Variants in RABGGTA observed in about 807,000 individuals in gnomAD.
RABGGTA encodes geranylgeranyl transferase type-2 subunit alpha.
A neutral mutation model predicts 83.3 loss-of-function variants in RABGGTA; 69 were observed. The ratio of observed to expected loss-of-function variants is 0.83; its 90% CI spans 0.68 to 1.01. RABGGTA has a LOEUF of 1.01. Ranked by LOEUF, RABGGTA falls within the 50% of genes least tolerant of loss-of-function variation. The probability of loss-of-function intolerance (pLI) is 0.00; values close to 1 mark genes in which losing one functional copy is unlikely to be tolerated. For synonymous variants in RABGGTA, 310 were observed against 299.8 expected (o/e 1.03, Z -0.35); for missense variants, 681 against 712.7 (o/e 0.96, Z 0.51).
chr14:24,268,359 C>T lies in RABGGTA; in HGVS notation c.1058+10G>A. On this transcript the variant is annotated intron_variant, in intron 11 of 16. Transcript: ENST00000216840. The stretch of plus-strand genomic sequence containing the variant: ...GCCCCTCTCCTTGTTTTGTGCTTCC[C>T]TATCACCACCTGAATAGCTGCTCGT... 1 of 1,613,022 alleles carries T rather than the reference C, an allele frequency of 6.2e-7. No individual in the cohort carries two copies.
rs1483640562 is a variant in RABGGTA at position 24,270,057 on chromosome 14, C to T, written c.323G>A (p.Gly108Asp). The T allele has an allele frequency of 6.2e-7, 1 of 1,612,618 alleles. No individual in the cohort carries two copies. The highest frequency in any genetic ancestry group is 8.5e-7 in the Non-Finnish European group (1 of 1,179,374). The change falls in exon 5 of 17, where the codon GGT becomes GAT. Residue 108 changes from glycine to aspartate, a missense_variant. This residue lies in a region of RABGGTA where 12 missense variants were observed against 32.0 expected (regional missense o/e 0.37). Transcript: ENST00000216840. ...CAGCCAGCATCGGTGGTGCCAGGTA[C>T]CATAAGACTTGGGGTTCACCCGCAG... ...SCLRVNPKSY[G>D]TWHHRCWLLG...
In RABGGTA at chr14:24,271,128, G is replaced by C. The variant is rs756343067; in HGVS notation, c.-13C>G. ...GGGTTCTCACCATGGTGCCGGCTCA[G>C]GGTTCAAGACAGGGGAAGGGTCCAG... On this transcript the variant is annotated 5_prime_UTR_variant, in exon 2 of 17. Coordinates refer to ENST00000216840, the MANE Select transcript of RABGGTA (RefSeq NM_182836.3). The C allele has an allele frequency of 1.9e-5, 30 of 1,543,742 alleles. No homozygotes were observed. The highest frequency in any genetic ancestry group is 1.8e-4 in the Middle Eastern group (1 of 5,704).
Position 24,265,701 on chromosome 14 carries a change from G to A in RABGGTA, c.1618C>T (p.Leu540=). 2 of 1,613,086 alleles carry A rather than the reference G, an allele frequency of 1.2e-6. No individual in the cohort carries two copies. Among genetic ancestry groups the A allele is most frequent in the Non-Finnish European group, 1.7e-6 (2 of 1,179,570 alleles). Reference sequence around the variant, plus strand: ...GCTTGGCACAGCGGGTTACCCTGCAGGTTGAGGAGGACCAGCCTGGGGCAG... The same window carrying A: ...GCTTGGCACAGCGGGTTACCCTGCAAGTTGAGGAGGACCAGCCTGGGGCAG... ...ASCPRLVLLN[L]QGNPLCQAVG... The change falls in exon 17 of 17, where the codon CTG becomes TTG. Residue 540 remains leucine, a synonymous_variant. Coordinates refer to ENST00000216840, the MANE Select transcript of RABGGTA (RefSeq NM_182836.3).
Position 24,267,890 on chromosome 14 carries a change from G to A in RABGGTA, c.1216C>T (p.Gln406Ter). 6.2e-7 allele frequency: 1 copy of A among 1,613,782 alleles called. No homozygotes were observed. The highest frequency in any genetic ancestry group is 8.5e-7 in the Non-Finnish European group (1 of 1,179,820). Residue 406 changes from glutamine to a stop codon, truncating the protein, a stop_gained, in exon 13 of 17, where the codon CAG (glutamine) becomes TAG (stop). Coordinates refer to ENST00000216840, the MANE Select transcript of RABGGTA (RefSeq NM_182836.3). LOFTEE classifies it high-confidence loss of function. ...DPLLYEKETL[Q>*]YFQTLKAVDP... The stretch of plus-strand genomic sequence containing the variant: ...CTTGCCTTGAGGGTCTGGAAGTACT[G>A]CAGGGTCTCCTTCTCATACAGCAGG...
chr14:24,268,486 A>AAGGGGTG (rs2139039530), intron 10 of RABGGTA, 28 bp downstream of exon 10: 3 of 1,613,434 alleles, frequency 1.9e-6, no homozygotes, highest in Non-Finnish European at 2.5e-6. Flanking sequence ...GGGCTGCTGC[A>AAGGGGTG]AGGGGTGGAG....
intron 15 of RABGGTA, 108 bp from the exon 16 acceptor site, chr14:24,266,625 G>A: frequency 7.9e-7 from 1 of 1,269,144 alleles, no homozygotes; most frequent in Non-Finnish European, 1.1e-6. Flanking sequence ...GGGGCTCACA[G>A]GGTCAGGCTG....
intron 16 of RABGGTA, among the ~76,000 whole-genome samples, 152 bp from the exon 17 acceptor site, chr14:24,265,915 C>T (rs2040867737): frequency 6.6e-6 from 1 of 152,168 alleles, no homozygotes. Flanking sequence ...GCAGGGACTG[C>T]AAATGCCTAC....
chr14:24,270,956 A>T lies in RABGGTA; in HGVS notation c.4-9T>A. ...ACCTTCAGGCGTCCGTGCTACAAGGATGAACGGGTTGGAAGAGTGCAGGTT... is the reference window on the plus strand; with the variant it reads ...ACCTTCAGGCGTCCGTGCTACAAGGTTGAACGGGTTGGAAGAGTGCAGGTT... On this transcript the variant is annotated splice_polypyrimidine_tract_variant and intron_variant, in intron 2 of 16. Transcript: ENST00000216840. 6.2e-7 allele frequency: 1 copy of T among 1,613,378 alleles called. No homozygotes were observed. Among genetic ancestry groups the T allele is most frequent in the South Asian group, 1.1e-5 (1 of 90,904 alleles).
In RABGGTA at chr14:24,266,414, C is replaced by G. The variant is rs746518171; in HGVS notation, c.1555+16G>C. The G allele has an allele frequency of 4.3e-6, 7 of 1,613,438 alleles. No individual in the cohort carries two copies. The East Asian group carries it at 1.6e-4, about 36-fold the overall frequency. On this transcript the variant is annotated intron_variant, in intron 16 of 16. Transcript: ENST00000216840. The stretch of plus-strand genomic sequence containing the variant: ...ACTTTACCCACTGTCTGAAAGGCAC[C>G]CAGAAGGAAGGATACGGTTGTTGCA...
intron 16 of RABGGTA, 92 bp downstream of exon 16, chr14:24,266,338 A>G: frequency 8.5e-7 from 1 of 1,176,920 alleles, no homozygotes. Flanking sequence ...GCCCTGCAAG[A>G]GGGTGGCACA....
In RABGGTA at chr14:24,265,628, C is replaced by T. The variant is rs745354385; in HGVS notation, c.1691G>A (p.Ser564Asn). Residue 564 changes from serine to asparagine, a missense_variant, in exon 17 of 17, where the codon AGC becomes AAC. By Grantham distance (46) the Ser-to-Asn change is conservative. Coordinates refer to ENST00000216840, the MANE Select transcript of RABGGTA (RefSeq NM_182836.3). Reference sequence around the variant, plus strand: ...GGGCAGGGCCTCTTAGGTGAGGACGCTGCTAACTGAAGGCAGCAGTTCAGC... The same window carrying T: ...GGGCAGGGCCTCTTAGGTGAGGACGTTGCTAACTGAAGGCAGCAGTTCAGC... ...QLAELLPSVS[S>N]VLT The T allele has an allele frequency of 1.2e-6, 2 of 1,613,708 alleles. No homozygotes were observed. The highest frequency in any genetic ancestry group is 1.7e-6 in the Non-Finnish European group (2 of 1,179,822).
Position 24,268,832 on chromosome 14 carries a change from A to T in RABGGTA, c.799-6T>A. On this transcript the variant is annotated splice_region_variant and splice_polypyrimidine_tract_variant and intron_variant, in intron 8 of 16. Coordinates refer to ENST00000216840, the MANE Select transcript of RABGGTA (RefSeq NM_182836.3). The stretch of plus-strand genomic sequence containing the variant: ...ATCTCCATCCTGGAGCCCACCTGGC[A>T]CAAAGGACAAAGACTTCAGCCCCAT... The T allele has an allele frequency of 6.4e-7, 1 of 1,563,990 alleles. No homozygotes were observed. Among genetic ancestry groups the T allele is most frequent in the Non-Finnish European group, 8.7e-7 (1 of 1,154,194 alleles).
At chr14:24,269,764 G>T in intron 5 of RABGGTA, 70 bp from the exon 6 acceptor site, 1 of 1,530,858 alleles carries the variant, frequency 6.5e-7, no homozygotes. Context: ...GACCCCTAGA[G>T]TCCCCTCAGG....
In RABGGTA at chr14:24,267,698, C is replaced by T; in HGVS notation, c.1315G>A (p.Glu439Lys). ...FLLENSVLKM[E>K]YAEVRVLHLA... ...TGCAGCACACGCACCTCGGCATACT[C>T]CATCTTGAGCACGCTATTCTCCAGC... The change falls in exon 14 of 17, where the codon GAG becomes AAG. Residue 439 changes from glutamate (E) to lysine (K), a missense_variant. By Grantham distance (56) the Glu-to-Lys change is moderately conservative. Around this residue, in one of 5 missense-constraint regions of RABGGTA, gnomAD observed 421 missense variants for 418.5 expected, o/e 1.01. Coordinates refer to ENST00000216840, the MANE Select transcript of RABGGTA (RefSeq NM_182836.3). 2 of 1,611,950 alleles carry T rather than the reference C, an allele frequency of 1.2e-6. No homozygotes were observed. Among genetic ancestry groups the T allele is most frequent in the Non-Finnish European group, 1.7e-6 (2 of 1,179,834 alleles).
chr14:24,265,820 G>A lies in RABGGTA; in HGVS notation c.1556-57C>T, dbSNP rs1335440600. On this transcript the variant is annotated intron_variant, in intron 16 of 16. Transcript: ENST00000216840. ...GGTTCCTCCCAATTTATTTGCTCCT[G>A]TGTACCCTCAAGAGCTGGGGACTGC... 6 of 1,533,224 alleles carry A rather than the reference G, an allele frequency of 3.9e-6. No homozygotes were observed. The African/African-American group carries it at 6.8e-5, about 17-fold the overall frequency. The allele number at this position is 1,533,224 out of a possible 1,614,324, so 95.0% of individuals were successfully genotyped here.
intron 14 of RABGGTA, 28 bp downstream of exon 14, chr14:24,267,632 A>G (rs940443757): frequency 6.3e-7 from 1 of 1,580,140 alleles, no homozygotes; most frequent in Admixed American, 1.7e-5. Flanking sequence ...GATGAGGGCC[A>G]GGGGAAGGCA....
rs1594578100 is a variant in RABGGTA at position 24,265,584 on chromosome 14, G to C, written c.*31C>G. On this transcript the variant is annotated 3_prime_UTR_variant, in exon 17 of 17. Coordinates refer to ENST00000216840, the MANE Select transcript of RABGGTA (RefSeq NM_182836.3). ...TCCATTCTTTATTCAGTCCCAATAA[G>C]TTAAAGGGCAAGGGTAGGGGGCAGG... is the stretch of plus-strand genomic sequence containing the variant. The C allele has an allele frequency of 6.2e-7, 1 of 1,606,484 alleles. No homozygotes were observed. Among genetic ancestry groups the C allele is most frequent in the Non-Finnish European group, 8.5e-7 (1 of 1,175,502 alleles).
chr14:24,265,818 C>T, intron 16 of RABGGTA, 55 bp from the exon 17 acceptor site: 1 of 1,534,744 alleles, frequency 6.5e-7, no homozygotes, highest in Admixed American at 2.0e-5. Flanking sequence ...TTATTTGCTC[C>T]TGTGTACCCT....
rs567466887 is a variant in RABGGTA at position 24,268,954 on chromosome 14, C to A, written c.755G>T (p.Arg252Leu). The change falls in exon 8 of 17, where the codon CGG becomes CTG. Residue 252 changes from arginine to leucine, a missense_variant. By Grantham distance (102) the Arg-to-Leu change is moderately radical (BLOSUM62 -2). This residue lies in a region of RABGGTA where 421 missense variants were observed against 418.5 expected (regional missense o/e 1.01). Transcript: ENST00000216840. ...QDALRCLHVS[R>L]DEACLTVSFS... ...GGAGACAGTCAGACAGGCCTCGTCC[C>A]GGCTCACATGCAGGCAGCGCAGTGC... 3 of 1,588,266 alleles carry A rather than the reference C, an allele frequency of 1.9e-6. No individual in the cohort carries two copies. Among genetic ancestry groups the A allele is most frequent in the Admixed American group, 3.5e-5 (2 of 56,772 alleles).
Sources: allele counts gnomAD v4.1 joint callset (sites outside exome capture counted in the v4.1 genomes callset), GRCh38; gene constraint gnomAD v4.1.1; regional missense constraint gnomAD v4.1.1; transcripts MANE v1.5; gene names NCBI Gene and HGNC (gene_info 2026-07-23, HGNC 2026-07-21).